Variants in FYB1 observed in about 807,000 individuals in gnomAD.
The protein encoded by FYB1 is FYN-binding protein 1.
A neutral mutation model predicts 94.1 loss-of-function variants in FYB1; 41 were observed. The ratio of observed to expected loss-of-function variants is 0.44; its 90% CI spans 0.34 to 0.57. The LOEUF (loss-of-function observed/expected upper bound fraction) is 0.57. Ranked by LOEUF, FYB1 falls within the 20% of genes least tolerant of loss-of-function variation. The pLI, the probability that FYB1 is intolerant of heterozygous loss-of-function variation, is 0.02. For synonymous variants in FYB1, 367 were observed against 353.2 expected (o/e 1.04, Z -0.44); for missense variants, 1,050 against 976.8 (o/e 1.07, Z -1.00).
At chr5:39,272,806 G>A (rs777372340) in intron 1 of FYB1, among the ~76,000 whole-genome samples, 31 of 152,042 alleles carry the variant, frequency 2.0e-4, no homozygotes, top group Non-Finnish European at 4.0e-4. Context: ...TAATTTATTG[G>A]GTAAGTCTCT....
intron 1 of FYB1, among the ~76,000 whole-genome samples, chr5:39,247,927 C>G (rs751908178): frequency 1.1e-4 from 5 of 44,152 alleles, no homozygotes; most frequent in Non-Finnish European, 4.1e-4. Context: ...TTCAGACAAT[C>G]TGCTTTCTCT....
chr5:39,175,239 A>G (rs1335237216), intron 2 of FYB1, among the ~76,000 whole-genome samples: 1 of 152,238 alleles, frequency 6.6e-6, no homozygotes, highest in Non-Finnish European at 1.5e-5. Context: ...AACCAAGAAT[A>G]TGTCAAAGAA....
chr5:39,107,368 C>A lies in FYB1; in HGVS notation c.*75G>T. ...TTTTGTGCATTAATTTTCTTGATAC[C>A]CAATAACATGCCAATTAAAATCCAG... On this transcript the variant is annotated 3_prime_UTR_variant, in exon 19 of 19. Transcript: ENST00000512982. 3.0e-6 allele frequency: 3 copies of A among 1,011,578 alleles called. No homozygotes were observed. The highest frequency in any genetic ancestry group is 2.0e-5 in the South Asian group (1 of 50,172). The allele number at this position is 1,011,578 out of a possible 1,614,324, so 62.7% of individuals were successfully genotyped here. A position where few individuals can be genotyped will look rare whatever the true frequency, so the allele number is the denominator to read the frequency against.
At chr5:39,130,651 A>G in intron 9 of FYB1, 39 bp from the exon 10 acceptor site, 1 of 1,474,120 alleles carries the variant, frequency 6.8e-7, no homozygotes, top group Admixed American at 1.9e-5. Context: ...TAATCTATGA[A>G]TTACTTAGCT....
At chr5:39,185,492 G>C (rs945008582) in intron 2 of FYB1, among the ~76,000 whole-genome samples, 21 of 135,914 alleles carry the variant, frequency 1.5e-4, no homozygotes, top group African/African-American at 5.5e-4. Flanking sequence ...TAAATCTCTA[G>C]AAAGGATAGA....
intron 9 of FYB1, 106 bp from the exon 10 acceptor site, chr5:39,130,718 G>A: frequency 1.1e-6 from 1 of 908,268 alleles, no homozygotes; most frequent in Non-Finnish European, 1.7e-6. Flanking sequence ...TAACATTCCA[G>A]TCGAAAGTTC....
In FYB1 at chr5:39,209,473, G is replaced by C. The variant is rs376825998; in HGVS notation, c.-27-6486C>G. Among the ~76,000 whole-genome samples, 12 of 152,006 alleles carry C rather than the reference G, an allele frequency of 7.9e-5. No individual in the cohort carries two copies. In the East Asian group the frequency reaches 9.7e-4, roughly 12 times the overall value. On this transcript the variant is annotated intron_variant, in intron 1 of 18. Coordinates refer to ENST00000512982, the MANE Select transcript of FYB1 (RefSeq NM_001465.6). ...TCCGAGCAGGTGGGACTACAGGCAT[G>C]CACCACCACGCCTGGCTAATTTTTG...
intron 3 of FYB1, among the ~76,000 whole-genome samples, chr5:39,150,956 C>T (rs146846494): frequency 6.6e-6 from 1 of 152,302 alleles, no homozygotes; most frequent in East Asian, 1.9e-4. Flanking sequence ...CCATTTCACT[C>T]AAGATAAGCG....
chr5:39,242,934 T>C (rs576791648), intron 1 of FYB1, among the ~76,000 whole-genome samples: 197 of 152,360 alleles, frequency 1.3e-3, no homozygotes, highest in African/African-American at 4.4e-3. Flanking sequence ...TGCATAAATA[T>C]CTTCTTTTGA....
At chr5:39,121,660 T>C (rs768126387) in intron 14 of FYB1, among the ~76,000 whole-genome samples, 2 of 152,130 alleles carry the variant, frequency 1.3e-5, no homozygotes, top group Non-Finnish European at 2.9e-5. Context: ...TATTGGATTA[T>C]GAGAAAGCAA....
At chr5:39,268,144 C>T (rs886484037) in intron 1 of FYB1, among the ~76,000 whole-genome samples, 2 of 151,950 alleles carry the variant, frequency 1.3e-5, no homozygotes, top group Non-Finnish European at 2.9e-5. Context: ...ATGACATTCT[C>T]GAAGGATCTG....
chr5:39,235,801 G>T (rs917801946), intron 1 of FYB1, among the ~76,000 whole-genome samples: 2 of 151,914 alleles, frequency 1.3e-5, no homozygotes. Flanking sequence ...GAAATCAAAC[G>T]TCTTCTATAT....
At chr5:39,109,137 CTG>C (rs1304527067) in intron 17 of FYB1, among the ~76,000 whole-genome samples, 1 of 152,156 alleles carries the variant, frequency 6.6e-6, no homozygotes, top group East Asian at 1.9e-4. Context: ...TGTACAATCT[CTG>C]TGCTTTATCA....
At chr5:39,190,031 A>G (rs1038764832) in intron 2 of FYB1, among the ~76,000 whole-genome samples, 46 of 152,328 alleles carry the variant, frequency 3.0e-4, no homozygotes, top group African/African-American at 1.0e-3. Context: ...AACACACAGG[A>G]TGATGTTTGG....
At chr5:39,168,527 C>T (rs1744946006) in intron 2 of FYB1, among the ~76,000 whole-genome samples, 1 of 152,142 alleles carries the variant, frequency 6.6e-6, no homozygotes, top group South Asian at 2.1e-4. Flanking sequence ...GCCCTAATTG[C>T]CACAGTTAGG....
intron 1 of FYB1, among the ~76,000 whole-genome samples, chr5:39,272,292 T>G (rs1470022005): frequency 2.0e-5 from 3 of 152,088 alleles, no homozygotes; most frequent in East Asian, 3.8e-4. Context: ...GCCAGCCTTG[T>G]GGGTAGAAAT....
Position 39,138,638 on chromosome 5 carries a change from T to C in FYB1, c.1394+19A>G, listed in dbSNP as rs1038141548. On this transcript the variant is annotated intron_variant, in intron 6 of 18. Transcript: ENST00000512982. ...TCATCTTTGAAGAAAACTGTCATGGTAAAAAATGTAATTCATACATGTCTT... is the reference window on the plus strand; with the variant it reads ...TCATCTTTGAAGAAAACTGTCATGGCAAAAAATGTAATTCATACATGTCTT... 5 of 1,486,326 alleles carry C rather than the reference T, an allele frequency of 3.4e-6. No homozygotes were observed. The highest frequency in any genetic ancestry group is 4.6e-6 in the Non-Finnish European group (5 of 1,075,330). 92.1% of individuals were successfully genotyped at this position (1,486,326 alleles called of 1,614,324 possible).
At chr5:39,189,604 G>A (rs1224052054) in intron 2 of FYB1, among the ~76,000 whole-genome samples, 2 of 151,986 alleles carry the variant, frequency 1.3e-5, no homozygotes, top group Non-Finnish European at 2.9e-5. Context: ...AGTGGTTCTG[G>A]CTTTTATTTT....
At chr5:39,118,653 C>G (rs777653661) in intron 16 of FYB1, among the ~76,000 whole-genome samples, 1 of 151,940 alleles carries the variant, frequency 6.6e-6, no homozygotes, top group Non-Finnish European at 1.5e-5. Flanking sequence ...TCTTTGACAC[C>G]GAGTATATAG....
Sources: gnomAD v4.1 joint callset for allele counts (sites outside exome capture counted in the v4.1 genomes callset) on GRCh38, gnomAD v4.1.1 for gene constraint, MANE v1.5 for transcripts, NCBI Gene and HGNC (gene_info 2026-07-23, HGNC 2026-07-21) for gene names.